The following CCDC32 variants were observed in gnomAD, a reference collection of about 807,000 sequenced individuals.
CCDC32 encodes coiled-coil domain-containing protein 32.
CCDC32 carries 9 observed loss-of-function variants against 20.1 expected under a neutral mutation model. The ratio of observed to expected loss-of-function variants is 0.45; its 90% CI spans 0.27 to 0.78. The LOEUF (loss-of-function observed/expected upper bound fraction) is 0.78. Among genes scored for constraint, CCDC32 ranks in the 30% least tolerant of loss-of-function variants. The pLI is 0.16. For missense variants in CCDC32, 204 were observed against 215.5 expected (o/e 0.95, Z 0.33); for synonymous variants, 63 against 79.0 (o/e 0.80, Z 1.07).
intron 3 of CCDC32, among the ~76,000 whole-genome samples, chr15:40,539,840 CCACACACACACACACACA>C (rs142688774): frequency 3.0e-5 from 4 of 134,542 alleles, no homozygotes; most frequent in Admixed American, 1.6e-4. Context: ...CAAACTGTTG[CCACACACACACACACACA>C]CACACACACA....
intron 3 of CCDC32, chr15:40,528,909 G>A: frequency 1.6e-6 from 1 of 627,176 alleles, no homozygotes; most frequent in Non-Finnish European, 2.8e-6. Flanking sequence ...ACCACCTCTG[G>A]CTCCAGCACG....
At chr15:40,525,978 C>T (rs1894895939), downstream of CCDC32, among the ~76,000 whole-genome samples, 1 of 151,748 alleles carries the variant, frequency 6.6e-6, no homozygotes, top group Non-Finnish European at 1.5e-5. Flanking sequence ...TGCAAGTCAC[C>T]GTGGATGGTG....
At chr15:40,564,915 C>T (rs1352056601) in intron 1 of CCDC32, 61 bp downstream of exon 1, 3 of 1,116,284 alleles carry the variant, frequency 2.7e-6, no homozygotes, top group Non-Finnish European at 3.9e-6. Flanking sequence ...ATGTGGTATT[C>T]CGGGGCCGGG....
chr15:40,552,023 G>A (rs12913296), downstream of CCDC32, among the ~76,000 whole-genome samples: 53,889 of 151,742 alleles, frequency 0.36, 10,444 homozygotes, highest in Non-Finnish European at 0.45. Context: ...CAGGCATAGT[G>A]GCACATGCCT....
chr15:40,556,325 G>T (rs573873312), intron 3 of CCDC32, among the ~76,000 whole-genome samples: 19 of 152,030 alleles, frequency 1.2e-4, no homozygotes, highest in Admixed American at 1.1e-3. Flanking sequence ...CTACTCAACT[G>T]GCCCTTCTCT....
At chr15:40,559,194 A>G (rs746858696) in intron 2 of CCDC32, among the ~76,000 whole-genome samples, 1 of 152,034 alleles carries the variant, frequency 6.6e-6, no homozygotes, top group Non-Finnish European at 1.5e-5. Flanking sequence ...GGCTCAAGCA[A>G]TCCTCCCACC....
intron 3 of CCDC32, among the ~76,000 whole-genome samples, chr15:40,556,385 G>A (rs1890238535): frequency 6.6e-6 from 1 of 152,172 alleles, no homozygotes; most frequent in Non-Finnish European, 1.5e-5. Context: ...TTTGTCATCT[G>A]CCCTCAAGTA....
chr15:40,551,367 G>C (rs112225483), downstream of CCDC32, among the ~76,000 whole-genome samples: 1,755 of 152,140 alleles, frequency 0.012, 27 homozygotes, highest in African/African-American at 0.04. Context: ...GGGCAAGAGA[G>C]TGAGACTCCA....
chr15:40,553,755 T>A lies in CCDC32; in HGVS notation c.*216A>T, dbSNP rs1890027045. The stretch of plus-strand genomic sequence containing the variant: ...GGGTCAGTCACTTCATCCGAGACAG[T>A]CACACATGCCAGCCCCAGGTAAGTC... On this transcript the variant is annotated 3_prime_UTR_variant, in exon 4 of 4. Coordinates refer to ENST00000416810, the MANE Select transcript of CCDC32 (RefSeq NM_001080792.4). 1 of 1,356,884 alleles carries A rather than the reference T, an allele frequency of 7.4e-7. No homozygotes were observed. The highest frequency in any genetic ancestry group is 9.5e-7 in the Non-Finnish European group (1 of 1,055,342). The allele number at this position is 1,356,884 out of a possible 1,614,324, so 84.1% of individuals were successfully genotyped here.
At chr15:40,536,220 A>C (rs1290750505), downstream of CCDC32, 1 of 152,372 alleles carries the variant, frequency 6.6e-6, no homozygotes, top group African/African-American at 2.4e-5. Context: ...TTCCAGAAGC[A>C]CTAATGAGCA....
At chr15:40,536,791 T>G (rs1889131827), downstream of CCDC32, 1 of 152,220 alleles carries the variant, frequency 6.6e-6, no homozygotes, top group African/African-American at 2.4e-5. Context: ...GCCAGTTCAT[T>G]CCACGGAACA....
At chr15:40,522,812 T>C in the CCDC32 span, among the ~76,000 whole-genome samples, 16 of 145,108 alleles carry the variant, frequency 1.1e-4, no homozygotes, top group South Asian at 3.5e-3. Flanking sequence ...CTGCCACAGG[T>C]TTCTGGTTTT....
chr15:40,521,037 A>G, the CCDC32 span, among the ~76,000 whole-genome samples: 1 of 152,238 alleles, frequency 6.6e-6, no homozygotes, highest in Non-Finnish European at 1.5e-5. Context: ...GTGGAAGTGG[A>G]TCATCATAAA....
chr15:40,564,286 T>C (rs183476534), intron 1 of CCDC32, among the ~76,000 whole-genome samples: 17 of 152,276 alleles, frequency 1.1e-4, no homozygotes, highest in African/African-American at 3.4e-4. Flanking sequence ...CTTATTTTAA[T>C]ACAATCACTG....
At chr15:40,533,507 C>T (rs922120684), downstream of CCDC32, among the ~76,000 whole-genome samples, 1 of 151,874 alleles carries the variant, frequency 6.6e-6, no homozygotes, top group East Asian at 1.9e-4. Context: ...CCACCACGCC[C>T]GGCTAATTTT....
At chr15:40,541,809 A>C (rs965589165) in intron 3 of CCDC32, among the ~76,000 whole-genome samples, 2 of 152,320 alleles carry the variant, frequency 1.3e-5, no homozygotes, top group East Asian at 3.9e-4. Flanking sequence ...AGAACATAAA[A>C]CAGCACAAGA....
chr15:40,557,107 G>T, intron 3 of CCDC32, 109 bp downstream of exon 3: 1 of 1,354,950 alleles, frequency 7.4e-7, no homozygotes, highest in Non-Finnish European at 1.0e-6. Flanking sequence ...TGCAGTATTT[G>T]CCTTTTGGCA....
intron 3 of CCDC32, among the ~76,000 whole-genome samples, chr15:40,546,583 T>G (rs1405459508): frequency 1.3e-5 from 2 of 152,158 alleles, no homozygotes; most frequent in Non-Finnish European, 2.9e-5. Flanking sequence ...CCATAGTAAT[T>G]ATAATTATTT....
In CCDC32 at chr15:40,553,642, A is replaced by G. The variant is rs1000501075; in HGVS notation, c.*329T>C. 7 of 1,085,666 alleles carry G rather than the reference A, an allele frequency of 6.4e-6. No individual in the cohort carries two copies. Among genetic ancestry groups the G allele is most frequent in the Middle Eastern group, 4.1e-4 (1 of 2,440 alleles). The allele number at this position is 1,085,666 out of a possible 1,614,324, so 67.3% of individuals were successfully genotyped here. On this transcript the variant is annotated 3_prime_UTR_variant, in exon 4 of 4. Coordinates refer to ENST00000416810, the MANE Select transcript of CCDC32 (RefSeq NM_001080792.4). Reference sequence around the variant, plus strand: ...GTTTCTCCAAGTACTTTCACATTTGATCTTTAGCAGACTTCTAACCTGCAG... The same window carrying G: ...GTTTCTCCAAGTACTTTCACATTTGGTCTTTAGCAGACTTCTAACCTGCAG...
Sources: gnomAD v4.1 joint callset for allele counts (sites outside exome capture counted in the v4.1 genomes callset) on GRCh38, gnomAD v4.1.1 for gene constraint, MANE v1.5 for transcripts, NCBI Gene and HGNC (gene_info 2026-07-23, HGNC 2026-07-21) for gene names.